Variants in FOXP1 observed in about 807,000 individuals in gnomAD.
FOXP1 encodes the protein forkhead box protein P1.
A neutral mutation model predicts 98.2 loss-of-function variants in FOXP1; 15 were observed. That is an observed-to-expected ratio of 0.15 (90% confidence interval 0.10 to 0.24). The LOEUF is 0.24. FOXP1 is among the 10% of genes least tolerant of loss of function. FOXP1 has a pLI of 1.00. For missense variants in FOXP1, 633 were observed against 848.5 expected, an observed-to-expected ratio of 0.75 and a Z score of 3.15; for synonymous variants, 371 against 314.5, an observed-to-expected ratio of 1.18 and a Z score of -1.90.
Position 70,958,984 on chromosome 3 carries a change from G to A in FOXP1, c.*263C>T. On this transcript the variant is annotated 3_prime_UTR_variant, in exon 21 of 21. Transcript: ENST00000649528. Reference sequence around the variant, plus strand: ...AACACTGATGTTGACGGTTAAGAGAGGAAAATCCCAAGTACCAAACAAGTC... The same window carrying A: ...AACACTGATGTTGACGGTTAAGAGAAGAAAATCCCAAGTACCAAACAAGTC... The A allele has an allele frequency of 2.2e-6, 1 of 464,106 alleles. No individual in the cohort carries two copies. The highest frequency in any genetic ancestry group is 4.0e-6 in the Non-Finnish European group (1 of 251,596). 28.7% of individuals were successfully genotyped at this position (464,106 alleles called of 1,614,324 possible). A position where few individuals can be genotyped will look rare whatever the true frequency, so the allele number is the denominator to read the frequency against.
intron 6 of FOXP1, among the ~76,000 whole-genome samples, chr3:71,142,116 A>C (rs2060098973): frequency 6.7e-6 from 1 of 148,806 alleles, no homozygotes; most frequent in Admixed American, 6.8e-5. Context: ...TGACTTAATA[A>C]ATACAAAATG....
At chr3:71,034,959 G>A (rs1490431937) in intron 11 of FOXP1, among the ~76,000 whole-genome samples, 1 of 152,174 alleles carries the variant, frequency 6.6e-6, no homozygotes, top group Non-Finnish European at 1.5e-5. Context: ...CTTTTGATGA[G>A]AACCTGTCTG....
At chr3:71,107,966 G>T (rs1206081637) in intron 7 of FOXP1, among the ~76,000 whole-genome samples, 1 of 152,150 alleles carries the variant, frequency 6.6e-6, no homozygotes, top group Admixed American at 6.5e-5. Context: ...GGACTAAAGG[G>T]CCGGCCTTCT....
intron 5 of FOXP1, among the ~76,000 whole-genome samples, chr3:71,296,931 CCAT>C (rs2107537056): frequency 6.6e-6 from 1 of 152,318 alleles, no homozygotes; most frequent in South Asian, 2.1e-4. Context: ...CCCCCTTTTG[CCAT>C]GACTGGAAGC....
chr3:71,212,036 C>T (rs1027136054), intron 5 of FOXP1, among the ~76,000 whole-genome samples: 3 of 152,260 alleles, frequency 2.0e-5, no homozygotes, highest in East Asian at 3.9e-4. Context: ...CCTGCTGTTT[C>T]TCAGAGGCTC....
intron 4 of FOXP1, among the ~76,000 whole-genome samples, chr3:71,319,640 G>A (rs1375632566): frequency 6.6e-6 from 1 of 152,032 alleles, no homozygotes; most frequent in Non-Finnish European, 1.5e-5. Context: ...ACATCCTGCA[G>A]CCCACACCAT....
At chr3:70,967,993 T>A (rs1335508521) in intron 19 of FOXP1, among the ~76,000 whole-genome samples, 1 of 152,170 alleles carries the variant, frequency 6.6e-6, no homozygotes, top group South Asian at 2.1e-4. Flanking sequence ...TGGGATGAGT[T>A]TGTCATCCTC....
chr3:71,256,292 A>T (rs1206311995), intron 5 of FOXP1, among the ~76,000 whole-genome samples: 2 of 152,028 alleles, frequency 1.3e-5, no homozygotes, highest in African/African-American at 2.4e-5. Flanking sequence ...AATCAACTCC[A>T]CTATTCCTGT....
At chr3:71,403,567 G>A (rs913514630) in intron 3 of FOXP1, among the ~76,000 whole-genome samples, 1 of 152,236 alleles carries the variant, frequency 6.6e-6, no homozygotes, top group African/African-American at 2.4e-5. Context: ...AAAGGAGCTG[G>A]CTTAGGCACG....
intron 5 of FOXP1, among the ~76,000 whole-genome samples, chr3:71,218,902 A>T (rs1322972020): frequency 2.0e-5 from 3 of 152,114 alleles, no homozygotes; most frequent in African/African-American, 7.2e-5. Context: ...ATCTTCTCAG[A>T]GCTGCAGTCC....
chr3:71,050,651 T>A (rs1204823179), intron 9 of FOXP1, among the ~76,000 whole-genome samples: 1 of 152,248 alleles, frequency 6.6e-6, no homozygotes, highest in Non-Finnish European at 1.5e-5. Context: ...CCATTTCCTG[T>A]GATCATGCAT....
chr3:71,337,147 T>C (rs1375647982), intron 4 of FOXP1, among the ~76,000 whole-genome samples: 2 of 151,856 alleles, frequency 1.3e-5, no homozygotes, highest in Non-Finnish European at 2.9e-5. Flanking sequence ...AAAACATGAG[T>C]TGTTTTTGGA....
chr3:71,436,291 A>G lies in FOXP1; in HGVS notation c.-168+57135T>C, dbSNP rs543514462. 1.7e-4 allele frequency among the ~76,000 whole-genome samples: 26 copies of G among 152,222 alleles called. No homozygotes were observed. The East Asian group carries it at 4.4e-3, about 26-fold the overall frequency. ...TCTGAGATCAACAAAGCACATTACT[A>G]CGCTAAAACCTGAAAATCCTAAGAT... On this transcript the variant is annotated intron_variant, in intron 3 of 20. Coordinates refer to ENST00000649528, the MANE Select transcript of FOXP1 (RefSeq NM_001349338.3).
At chr3:71,504,452 C>A (rs1190202234) in intron 2 of FOXP1, among the ~76,000 whole-genome samples, 2 of 152,282 alleles carry the variant, frequency 1.3e-5, no homozygotes, top group East Asian at 3.9e-4. Flanking sequence ...AGTAATTTTT[C>A]CTCAATTTTC....
At chr3:71,082,306 T>C (rs1476187209) in intron 7 of FOXP1, among the ~76,000 whole-genome samples, 1 of 144,510 alleles carries the variant, frequency 6.9e-6, no homozygotes, top group African/African-American at 2.6e-5. Context: ...AAAAAAAGAA[T>C]AGACGGTGCT....
At chr3:71,554,863 AG>A (rs1348312020) in intron 2 of FOXP1, among the ~76,000 whole-genome samples, 1 of 152,208 alleles carries the variant, frequency 6.6e-6, no homozygotes, top group African/African-American at 2.4e-5. Context: ...TACCTTCTTT[AG>A]CAAATGGGTC....
At chr3:71,223,161 G>T (rs796626234) in intron 5 of FOXP1, among the ~76,000 whole-genome samples, 11 of 152,210 alleles carry the variant, frequency 7.2e-5, no homozygotes, top group African/African-American at 2.6e-4. Flanking sequence ...ATTCTAAAAA[G>T]AGTCTCAACT....
chr3:71,007,584 G>A (rs1426764238), intron 12 of FOXP1, among the ~76,000 whole-genome samples: 2 of 152,240 alleles, frequency 1.3e-5, no homozygotes, highest in South Asian at 2.1e-4. Context: ...TGTGATCCAC[G>A]CTGCCTCATG....
At chr3:71,339,123 G>A (rs1013875343) in intron 4 of FOXP1, among the ~76,000 whole-genome samples, 4 of 152,060 alleles carry the variant, frequency 2.6e-5, no homozygotes, top group African/African-American at 4.8e-5. Context: ...TTATTCTATC[G>A]AGAAAGATTT....
Sources: allele counts gnomAD v4.1 joint callset (sites outside exome capture counted in the v4.1 genomes callset), GRCh38; gene constraint gnomAD v4.1.1; transcripts MANE v1.5; gene names NCBI Gene and HGNC (gene_info 2026-07-23, HGNC 2026-07-21).